The following SLC44A1 variants were observed in gnomAD, a reference collection of about 807,000 sequenced individuals.
SLC44A1 encodes the protein solute carrier family 44 member 1, also known as choline transporter-like protein 1.
SLC44A1 carries 26 observed loss-of-function variants against 79.3 expected under a neutral mutation model. The observed-to-expected ratio is 0.33, with a 90% CI of 0.24 to 0.46. The LOEUF (loss-of-function observed/expected upper bound fraction) is 0.46, where lower values mean the gene tolerates loss of function less well. SLC44A1 is among the 20% of genes least tolerant of loss of function. The probability of loss-of-function intolerance (pLI) is 1.00; values close to 1 mark genes in which losing one functional copy is unlikely to be tolerated. For missense variants in SLC44A1, 688 were observed against 798.1 expected (o/e 0.86, Z 1.66); for synonymous variants, 263 against 286.2 (o/e 0.92, Z 0.82).
At chr9:105,332,604 G>A (rs1025586983) in intron 3 of SLC44A1, among the ~76,000 whole-genome samples, 4 of 152,148 alleles carry the variant, frequency 2.6e-5, no homozygotes, top group African/African-American at 9.7e-5. Flanking sequence ...AGTCATGGTA[G>A]CATTCTTCTC....
At chr9:105,294,511 T>C (rs540140242) in intron 1 of SLC44A1, among the ~76,000 whole-genome samples, 2 of 152,268 alleles carry the variant, frequency 1.3e-5, no homozygotes, top group South Asian at 4.1e-4. Context: ...TTTCTACTTT[T>C]CATAGTTTCT....
chr9:105,379,625 A>T (rs1019479067), intron 13 of SLC44A1, among the ~76,000 whole-genome samples: 1 of 152,206 alleles, frequency 6.6e-6, no homozygotes, highest in African/African-American at 2.4e-5. Flanking sequence ...TTCCATTTCT[A>T]TGGTACTCTA....
intron 1 of SLC44A1, among the ~76,000 whole-genome samples, chr9:105,265,157 T>C (rs989128502): frequency 2.6e-5 from 4 of 152,222 alleles, no homozygotes; most frequent in Non-Finnish European, 5.9e-5. Flanking sequence ...AGTTTATTTT[T>C]TAATTTACAT....
At chr9:105,256,872 C>T (rs1294074465) in intron 1 of SLC44A1, among the ~76,000 whole-genome samples, 1 of 151,514 alleles carries the variant, frequency 6.6e-6, no homozygotes, top group African/African-American at 2.4e-5. Flanking sequence ...ACTTTAACCT[C>T]CACCTCCCAG....
intron 1 of SLC44A1, among the ~76,000 whole-genome samples, chr9:105,274,780 C>T (rs1283827066): frequency 6.6e-6 from 1 of 152,132 alleles, no homozygotes; most frequent in Non-Finnish European, 1.5e-5. Context: ...TGGTTAACCT[C>T]ACAACTGTTA....
At chr9:105,269,377 C>T (rs1188981575) in intron 1 of SLC44A1, among the ~76,000 whole-genome samples, 1 of 152,182 alleles carries the variant, frequency 6.6e-6, no homozygotes, top group Non-Finnish European at 1.5e-5. Context: ...GTTTCCTATA[C>T]AGCTGACCTG....
At chr9:105,408,569 C>G (rs1829058188) in intron 15 of SLC44A1, among the ~76,000 whole-genome samples, 1 of 152,130 alleles carries the variant, frequency 6.6e-6, no homozygotes, top group Non-Finnish European at 1.5e-5. Flanking sequence ...GCCACCACAT[C>G]TGGCTAATTT....
chr9:105,417,803 G>T (rs1829190332), intron 15 of SLC44A1, among the ~76,000 whole-genome samples: 1 of 131,996 alleles, frequency 7.6e-6, no homozygotes, highest in Admixed American at 9.1e-5. Context: ...AGGAGTTTGA[G>T]ACCAGCCTGG....
chr9:105,246,684 ATTGAG>A (rs1186447654), intron 1 of SLC44A1, among the ~76,000 whole-genome samples: 1 of 152,176 alleles, frequency 6.6e-6, no homozygotes, highest in Non-Finnish European at 1.5e-5. Flanking sequence ...TCTTTTCAGA[ATTGAG>A]TTAATTTACA....
rs1172948270 is a variant in SLC44A1, at chr9:105,375,238, C to G, written c.1632+503C>G. 2.6e-5 allele frequency among the ~76,000 whole-genome samples: 4 copies of G among 152,178 alleles called. No individual in the cohort carries two copies. The East Asian group carries it at 7.7e-4, about 29-fold the overall frequency. ...TATTATTAGTAGAGACAGGGTTTCC[C>G]CATGTCGGCCAGGCTGGTCTCTAAC... On this transcript the variant is annotated intron_variant, in intron 13 of 15. Transcript: ENST00000374720.
At chr9:105,269,126 A>G (rs976148869) in intron 1 of SLC44A1, among the ~76,000 whole-genome samples, 4 of 151,958 alleles carry the variant, frequency 2.6e-5, no homozygotes, top group Admixed American at 1.3e-4. Flanking sequence ...CCAGGTTTCT[A>G]TTATCTGATT....
intron 5 of SLC44A1, among the ~76,000 whole-genome samples, chr9:105,353,155 A>G (rs1233544935): frequency 6.6e-6 from 1 of 152,118 alleles, no homozygotes; most frequent in Non-Finnish European, 1.5e-5. Context: ...ATACCTTTAA[A>G]TTTAGAGTAT....
chr9:105,397,277 G>A lies in SLC44A1; in HGVS notation c.*8221G>A. On this transcript the variant is annotated 3_prime_UTR_variant, in exon 16 of 16. Coordinates refer to ENST00000374720, the MANE Select transcript of SLC44A1 (RefSeq NM_080546.5). ...CTGACTCAGTTGCCAGAATTATAAT[G>A]AAAACTGTATTTTAGTCTAACAAAT... 1.0e-6 allele frequency: 1 copy of A among 984,062 alleles called. No individual in the cohort carries two copies. Among genetic ancestry groups the A allele is most frequent in the Non-Finnish European group, 1.2e-6 (1 of 828,704 alleles). The allele number at this position is 984,062 out of a possible 1,614,324, so 61.0% of individuals were successfully genotyped here. A position where few individuals can be genotyped will look rare whatever the true frequency, so the allele number is the denominator to read the frequency against.
In SLC44A1 at chr9:105,383,125, G is replaced by T. The variant is rs1428439826; in HGVS notation, c.1635G>T (p.Val545=). 1 of 1,607,570 alleles carries T rather than the reference G, an allele frequency of 6.2e-7. No individual in the cohort carries two copies. The highest frequency in any genetic ancestry group is 8.5e-7 in the Non-Finnish European group (1 of 1,174,184). Residue 545 remains valine, a splice_region_variant and synonymous_variant, in exon 14 of 16, where the codon GTG becomes GTT. Coordinates refer to ENST00000374720, the MANE Select transcript of SLC44A1 (RefSeq NM_080546.5). ...GATCTTTGTTCTCTCTGCTTCAGGT[G>T]CTGATAGTCTGCAGCACAGGTTTAG... The part of the protein sequence containing the change: ...VGDFMLFLGK[V]LIVCSTGLAG...
intron 15 of SLC44A1, among the ~76,000 whole-genome samples, chr9:105,418,835 CTG>C (rs1252230990): frequency 6.6e-6 from 1 of 152,178 alleles, no homozygotes; most frequent in Non-Finnish European, 1.5e-5. Flanking sequence ...GTCTAACAGA[CTG>C]TGGATTCTTG....
intron 1 of SLC44A1, among the ~76,000 whole-genome samples, chr9:105,286,938 T>G (rs1026906973): frequency 6.6e-6 from 1 of 152,162 alleles, no homozygotes; most frequent in Non-Finnish European, 1.5e-5. Flanking sequence ...CGTTGCAGCC[T>G]GGGTGACAAA....
intron 1 of SLC44A1, among the ~76,000 whole-genome samples, chr9:105,270,048 G>T (rs555566402): frequency 3.3e-5 from 5 of 152,256 alleles, no homozygotes; most frequent in Non-Finnish European, 7.4e-5. Context: ...GTGCTTTCTT[G>T]TGTTAAAGTG....
intron 1 of SLC44A1, among the ~76,000 whole-genome samples, chr9:105,278,739 A>G (rs1830274155): frequency 6.6e-6 from 1 of 152,232 alleles, no homozygotes; most frequent in Non-Finnish European, 1.5e-5. Flanking sequence ...GAAGGAAAGT[A>G]TAGTGGTTTT....
chr9:105,408,652 C>G (rs1314264262), intron 15 of SLC44A1, among the ~76,000 whole-genome samples: 1 of 152,162 alleles, frequency 6.6e-6, no homozygotes, highest in South Asian at 2.1e-4. Flanking sequence ...CTCAGGTGAT[C>G]CACCCACCTC....
Sources: gnomAD v4.1 joint callset for allele counts (sites outside exome capture counted in the v4.1 genomes callset) on GRCh38, gnomAD v4.1.1 for gene constraint, MANE v1.5 for transcripts, NCBI Gene and HGNC (gene_info 2026-07-23, HGNC 2026-07-21) for gene names.